Variants in TTBK2 observed in about 807,000 individuals in gnomAD.
TTBK2 encodes tau-tubulin kinase 2.
Under a neutral mutation model 110.8 loss-of-function variants are expected in TTBK2, and 28 were observed. That is an observed-to-expected ratio of 0.25 (90% confidence interval 0.19 to 0.35). The LOEUF is 0.35. Among genes scored for constraint, TTBK2 ranks in the 10% least tolerant of loss-of-function variants. The pLI, the probability that TTBK2 is intolerant of heterozygous loss-of-function variation, is 1.00. For missense variants in TTBK2, 1,369 were observed against 1,500.3 expected (o/e 0.91, Z 1.45); for synonymous variants, 532 against 527.3 (o/e 1.01, Z -0.12).
At chr15:42,830,805 A>G (rs1567048460) in intron 4 of TTBK2, among the ~76,000 whole-genome samples, 1 of 151,954 alleles carries the variant, frequency 6.6e-6, no homozygotes, top group East Asian at 1.9e-4. Context: ...GGAGATTGAG[A>G]CTATCCTGGC....
chr15:42,863,360 A>G (rs1214784535), intron 3 of TTBK2, among the ~76,000 whole-genome samples: 1 of 152,230 alleles, frequency 6.6e-6, no homozygotes, highest in African/African-American at 2.4e-5. Context: ...CTAGGAATAC[A>G]GCTAAGCCAG....
chr15:42,897,718 A>G (rs1895719805), intron 1 of TTBK2, among the ~76,000 whole-genome samples: 1 of 152,164 alleles, frequency 6.6e-6, no homozygotes, highest in Non-Finnish European at 1.5e-5. Flanking sequence ...AGGAAAACCC[A>G]TACAAGACAG....
chr15:42,817,237 T>C lies in TTBK2; in HGVS notation c.538-140A>G, dbSNP rs1892078417. ...CTATTTAATTTCTAACTTTTAACTA[T>C]GAAATTACAAGAAACTAGAGAGATT... On this transcript the variant is annotated intron_variant, in intron 6 of 14. Transcript: ENST00000267890. The C allele has an allele frequency of 1.7e-5, 8 of 466,950 alleles. No homozygotes were observed. The Admixed American group carries it at 2.5e-4, about 14-fold the overall frequency. The allele number at this position is 466,950 out of a possible 1,614,324, so 28.9% of individuals were successfully genotyped here.
chr15:42,890,227 C>T (rs913711207), intron 1 of TTBK2, among the ~76,000 whole-genome samples: 2 of 152,210 alleles, frequency 1.3e-5, no homozygotes, highest in African/African-American at 4.8e-5. Context: ...CCTGTAAGAA[C>T]TAATGATAAT....
chr15:42,755,425 T>C (rs1431908878), intron 13 of TTBK2, among the ~76,000 whole-genome samples: 1 of 152,170 alleles, frequency 6.6e-6, no homozygotes, highest in Non-Finnish European at 1.5e-5. Context: ...CTATTTCACT[T>C]TGTGTCAGGA....
chr15:42,910,833 G>A (rs555818674), intron 1 of TTBK2, among the ~76,000 whole-genome samples: 27 of 152,026 alleles, frequency 1.8e-4, no homozygotes, highest in African/African-American at 5.5e-4. Flanking sequence ...ATCACGAGGT[G>A]AGGAGTTCGA....
At chr15:42,788,124 C>T (rs1047588956) in intron 10 of TTBK2, among the ~76,000 whole-genome samples, 5 of 151,954 alleles carry the variant, frequency 3.3e-5, no homozygotes, top group African/African-American at 4.8e-5. Flanking sequence ...GTCATATATG[C>T]GGTGTATCAC....
Position 42,740,268 on chromosome 15 carries a change from A to G in TTBK2, c.*5527T>C, listed in dbSNP as rs1391111271. The G allele has an allele frequency of 6.6e-6, 1 of 152,220 alleles. No homozygotes were observed. Among genetic ancestry groups the G allele is most frequent in the African/African-American group, 2.4e-5 (1 of 41,440 alleles). 9.4% of individuals were successfully genotyped at this position (152,220 alleles called of 1,614,324 possible). A position where few individuals can be genotyped will look rare whatever the true frequency, so the allele number is the denominator to read the frequency against. ...ACATTGCACAGGGCCATGAAAGGAA[A>G]GGCTTCACTACTTTTACATGTTACC... On this transcript the variant is annotated 3_prime_UTR_variant, in exon 15 of 15. Coordinates refer to ENST00000267890, the MANE Select transcript of TTBK2 (RefSeq NM_173500.4).
intron 13 of TTBK2, among the ~76,000 whole-genome samples, chr15:42,770,215 T>C (rs971592498): frequency 8.5e-5 from 13 of 152,118 alleles, no homozygotes; most frequent in African/African-American, 3.1e-4. Context: ...CTGCACGTCA[T>C]GCACACGTAT....
chr15:42,827,175 G>C, intron 6 of TTBK2, among the ~76,000 whole-genome samples: 1 of 152,216 alleles, frequency 6.6e-6, no homozygotes, highest in South Asian at 2.1e-4. Context: ...ACCCAAAGAC[G>C]CACCACCCTG....
intron 14 of TTBK2, among the ~76,000 whole-genome samples, chr15:42,751,633 T>C (rs953232090): frequency 2.6e-5 from 4 of 152,152 alleles, no homozygotes; most frequent in African/African-American, 9.7e-5. Flanking sequence ...TCCTAGCTAC[T>C]TGGGTAGCTG....
chr15:42,755,385 T>C (rs2061932396), intron 13 of TTBK2, among the ~76,000 whole-genome samples: 1 of 152,176 alleles, frequency 6.6e-6, no homozygotes, highest in African/African-American at 2.4e-5. Context: ...AGAAACCATG[T>C]GGTTCCAGGG....
At chr15:42,840,804 A>C (rs142918320) in intron 3 of TTBK2, among the ~76,000 whole-genome samples, 14 of 152,340 alleles carry the variant, frequency 9.2e-5, no homozygotes, top group Non-Finnish European at 1.6e-4. Flanking sequence ...TAGGAATATA[A>C]ACCCTGAATT....
chr15:42,879,242 G>A (rs1241831416), intron 1 of TTBK2, among the ~76,000 whole-genome samples: 2 of 152,068 alleles, frequency 1.3e-5, no homozygotes, highest in Non-Finnish European at 2.9e-5. Context: ...AGAAAAATAT[G>A]GCCTAAAGGA....
chr15:42,748,274 T>TA (rs1316882921), intron 14 of TTBK2, among the ~76,000 whole-genome samples: 2 of 151,968 alleles, frequency 1.3e-5, no homozygotes, highest in Non-Finnish European at 2.9e-5. Context: ...CTGGCCAACA[T>TA]GGCGAAACCC....
intron 3 of TTBK2, among the ~76,000 whole-genome samples, chr15:42,845,779 A>G (rs1893432382): frequency 6.6e-6 from 1 of 152,122 alleles, no homozygotes; most frequent in African/African-American, 2.4e-5. Flanking sequence ...GTCACTGTGC[A>G]AACATCATAG....
chr15:42,752,996 T>G lies in TTBK2; in HGVS notation c.2250A>C (p.Lys750Asn). 6.2e-7 allele frequency: 1 copy of G among 1,614,226 alleles called. No individual in the cohort carries two copies. Among genetic ancestry groups the G allele is most frequent in the East Asian group, 2.2e-5 (1 of 44,880 alleles). The change falls in exon 14 of 15, where the codon AAA (lysine) becomes AAC (asparagine). Residue 750 changes from lysine to asparagine, a missense_variant. Lys to Asn is a moderately conservative substitution (Grantham distance 94). This residue lies in a region of TTBK2 where 1,097 missense variants were observed against 1,114.7 expected (regional missense o/e 0.98). Coordinates refer to ENST00000267890, the MANE Select transcript of TTBK2 (RefSeq NM_173500.4). ...DMLPNIRESN[K>N]SQDLGPKELP... is the part of the protein sequence containing the mutation. ...GTTCTTTTGGTCCCAGGTCTTGAGA[T>G]TTGTTACTTTCTCTAATGTTGGGTA...
chr15:42,823,453 C>A (rs888481290), intron 6 of TTBK2, among the ~76,000 whole-genome samples: 2 of 152,180 alleles, frequency 1.3e-5, no homozygotes, highest in African/African-American at 4.8e-5. Flanking sequence ...TCAAAACCAA[C>A]TTCGTAAACA....
chr15:42,772,498 GC>G (rs1300267516), intron 13 of TTBK2, among the ~76,000 whole-genome samples: 4 of 152,146 alleles, frequency 2.6e-5, no homozygotes, highest in African/African-American at 9.7e-5. Flanking sequence ...AGCCACTCTT[GC>G]ATTTCTAGCT....
Sources: gnomAD v4.1 joint callset for allele counts (sites outside exome capture counted in the v4.1 genomes callset) on GRCh38, gnomAD v4.1.1 for gene constraint, gnomAD v4.1.1 regional missense constraint, MANE v1.5 for transcripts, NCBI Gene and HGNC (gene_info 2026-07-23, HGNC 2026-07-21) for gene names.